The following ARHGAP17 variants were observed in gnomAD, a reference collection of about 807,000 sequenced individuals.
ARHGAP17 encodes Rho GTPase activating protein 17, also known as rho GTPase-activating protein 17.
ARHGAP17 carries 57 observed loss-of-function variants against 99.5 expected under a neutral mutation model. The ratio of observed to expected loss-of-function variants is 0.57; its 90% CI spans 0.46 to 0.71. ARHGAP17 has a LOEUF of 0.71. ARHGAP17 is among the 30% of genes least tolerant of loss of function. The pLI is 0.00. For synonymous variants in ARHGAP17, 417 were observed against 429.6 expected, an observed-to-expected ratio of 0.97 and a Z score of 0.36; for missense variants, 1,000 against 1,122.4, an observed-to-expected ratio of 0.89 and a Z score of 1.56.
At chr16:24,942,238 T>G (rs1271392139) in intron 15 of ARHGAP17, 95 bp from the exon 16 acceptor site, 2 of 1,249,210 alleles carry the variant, frequency 1.6e-6, no homozygotes, top group Admixed American at 4.6e-5. Context: ...ACCTCGTTCT[T>G]CAGTCCACAG....
intron 12 of ARHGAP17, among the ~76,000 whole-genome samples, 192 bp downstream of exon 12, chr16:24,952,097 G>T (rs937111037): frequency 6.6e-6 from 1 of 152,078 alleles, no homozygotes; most frequent in African/African-American, 2.4e-5. Context: ...TGCCTACGTG[G>T]TGACTTTCCT....
In ARHGAP17 at chr16:24,920,266, C is replaced by A. The variant is rs764655745; in HGVS notation, c.2516-6G>T. 2 of 1,613,822 alleles carry A rather than the reference C, an allele frequency of 1.2e-6. No individual in the cohort carries two copies. The highest frequency in any genetic ancestry group is 1.7e-6 in the Non-Finnish European group (2 of 1,179,908). ...TGAAACCCTGGAATTGGAGTCTGGA[C>A]AAAAACACGAGGAGACATGGTATCA... On this transcript the variant is annotated splice_region_variant and splice_polypyrimidine_tract_variant and intron_variant, in intron 19 of 19. Coordinates refer to ENST00000289968, the MANE Select transcript of ARHGAP17 (RefSeq NM_001006634.3).
chr16:24,933,238 C>T (rs1321165292), intron 18 of ARHGAP17, among the ~76,000 whole-genome samples: 1 of 148,900 alleles, frequency 6.7e-6, no homozygotes. Flanking sequence ...GTGGCTCATG[C>T]CTGTATTCCC....
At position 24,939,473 on chromosome 16, in the gene ARHGAP17, C is replaced by A. The variant is rs1341105791; in HGVS notation, c.1615G>T (p.Gly539Cys). The A allele has an allele frequency of 6.2e-7, 1 of 1,610,978 alleles. No individual in the cohort carries two copies. Among genetic ancestry groups the A allele is most frequent in the South Asian group, 1.1e-5 (1 of 90,204 alleles). Residue 539 changes from glycine (G) to cysteine (C), a missense_variant, in exon 17 of 20, where the codon GGC (glycine) becomes TGC (cysteine). Coordinates refer to ENST00000289968, the MANE Select transcript of ARHGAP17 (RefSeq NM_001006634.3). Reference sequence around the variant, plus strand: ...GAGCTCTGGGGAGGGGGCTCTGGGCCAGCGGGCACCACGGTGCTGCCATCT... The same window carrying A: ...GAGCTCTGGGGAGGGGGCTCTGGGCAAGCGGGCACCACGGTGCTGCCATCT... Reference protein sequence around the residue: ...PTDGSTVVPAGPEPPPQSSRA... With the variant: ...PTDGSTVVPACPEPPPQSSRA...
Position 24,931,052 on chromosome 16 carries a change from C to T in ARHGAP17, c.2247G>A (p.Gln749=). 5 of 1,606,772 alleles carry T rather than the reference C, an allele frequency of 3.1e-6. No homozygotes were observed. Among genetic ancestry groups the T allele is most frequent in the Non-Finnish European group, 4.3e-6 (5 of 1,176,430 alleles). ...GAGTCTGGGGAGGGGTGTGAGATGGCTGCTCAAGTCCATGCTCACTGGGCA... is the reference window on the plus strand; with the variant it reads ...GAGTCTGGGGAGGGGTGTGAGATGGTTGCTCAAGTCCATGCTCACTGGGCA... ...MALPSEHGLE[Q]PSHTPPQTPT... The change falls in exon 19 of 20, where the codon CAG becomes CAA. Residue 749 remains glutamine (Q), a synonymous_variant. Coordinates refer to ENST00000289968, the MANE Select transcript of ARHGAP17 (RefSeq NM_001006634.3).
intron 19 of ARHGAP17, among the ~76,000 whole-genome samples, chr16:24,924,468 C>A (rs540181046): frequency 8.7e-4 from 127 of 146,784 alleles, no homozygotes; most frequent in Non-Finnish European, 1.7e-3. Context: ...AATAAAATAT[C>A]TACTGTATGA....
At chr16:25,005,616 T>G (rs552095000) in intron 1 of ARHGAP17, among the ~76,000 whole-genome samples, 6 of 152,338 alleles carry the variant, frequency 3.9e-5, no homozygotes, top group African/African-American at 1.4e-4. Context: ...ATTTGACAGG[T>G]TCTCAAGAGA....
At chr16:24,947,645 G>A in intron 13 of ARHGAP17, 50 bp from the exon 14 acceptor site, 1 of 1,492,454 alleles carries the variant, frequency 6.7e-7, no homozygotes, top group East Asian at 2.3e-5. Context: ...ATAGCTGCTG[G>A]AATGTTCTCT....
At chr16:24,929,807 A>G (rs1269841155) in intron 19 of ARHGAP17, 3 of 343,482 alleles carry the variant, frequency 8.7e-6, no homozygotes, top group African/African-American at 6.7e-5. Context: ...AAAAGCTGTT[A>G]GAATCAGTTA....
rs1418844991 is a variant in ARHGAP17 at position 24,919,976 on chromosome 16, T to A, written c.*154A>T. 8.9e-7 allele frequency: 1 copy of A among 1,122,126 alleles called. No homozygotes were observed. Among genetic ancestry groups the A allele is most frequent in the African/African-American group, 1.6e-5 (1 of 63,852 alleles). The allele number at this position is 1,122,126 out of a possible 1,614,324, so 69.5% of individuals were successfully genotyped here. ...TTTAGTGGTGGCCTCCAGGTTCTCC[T>A]TGGGCCGTGCAGAAGGCCAGGTCCC... On this transcript the variant is annotated 3_prime_UTR_variant, in exon 20 of 20. Coordinates refer to ENST00000289968, the MANE Select transcript of ARHGAP17 (RefSeq NM_001006634.3).
chr16:24,939,682 C>A, intron 16 of ARHGAP17, 85 bp from the exon 17 acceptor site: 1 of 1,414,274 alleles, frequency 7.1e-7, no homozygotes, highest in Non-Finnish European at 9.7e-7. Context: ...GTTAAAACCA[C>A]ACATGGGGAT....
chr16:24,932,290 C>A (rs2051015747), intron 18 of ARHGAP17, among the ~76,000 whole-genome samples: 1 of 152,050 alleles, frequency 6.6e-6, no homozygotes, highest in Non-Finnish European at 1.5e-5. Context: ...TCCAAACAAA[C>A]AAGTTTATTT....
intron 1 of ARHGAP17, among the ~76,000 whole-genome samples, chr16:24,995,245 T>C (rs556786005): frequency 2.6e-5 from 4 of 152,288 alleles, no homozygotes; most frequent in South Asian, 2.1e-4. Flanking sequence ...AACCATGTCA[T>C]ACCCATTTTA....
intron 1 of ARHGAP17, among the ~76,000 whole-genome samples, chr16:25,011,627 C>T (rs936133273): frequency 4.6e-4 from 69 of 151,536 alleles, no homozygotes; most frequent in African/African-American, 1.7e-3. Flanking sequence ...ATTGCTTGAA[C>T]CTAGGAGGTG....
intron 1 of ARHGAP17, among the ~76,000 whole-genome samples, chr16:24,998,861 A>C (rs2053277727): frequency 6.6e-6 from 1 of 152,204 alleles, no homozygotes; most frequent in Non-Finnish European, 1.5e-5. Context: ...GCCTGACCCC[A>C]TCAGAGAAGA....
rs930769684 is a variant in ARHGAP17, at chr16:24,990,951, C to T, written c.54-11946G>A. 2.2e-4 allele frequency among the ~76,000 whole-genome samples: 34 copies of T among 152,078 alleles called. 1 individual carries two copies. Among genetic ancestry groups the T allele is most frequent in the Admixed American group, 2.0e-4 (3 of 15,260 alleles). Reference sequence around the variant, plus strand: ...CCATAGTCTCCAGGGTCCCTGTGTCCTAGGCCATAAACACATTTCAGAAGG... The same window carrying T: ...CCATAGTCTCCAGGGTCCCTGTGTCTTAGGCCATAAACACATTTCAGAAGG... On this transcript the variant is annotated intron_variant, in intron 1 of 19. Coordinates refer to ENST00000289968, the MANE Select transcript of ARHGAP17 (RefSeq NM_001006634.3).
At chr16:24,935,334 A>T (rs1334436650) in intron 18 of ARHGAP17, 136 bp downstream of exon 18, 11 of 1,087,964 alleles carry the variant, frequency 1.0e-5, no homozygotes, top group African/African-American at 3.2e-5. Flanking sequence ...CTCTTGAATG[A>T]CTGAATTTTC....
chr16:24,977,221 C>T lies in ARHGAP17; in HGVS notation c.192G>A (p.Arg64=). 1 of 1,580,974 alleles carries T rather than the reference C, an allele frequency of 6.3e-7. No individual in the cohort carries two copies. The highest frequency in any genetic ancestry group is 2.3e-5 in the East Asian group (1 of 43,978). The change falls in exon 3 of 20, where the codon AGG becomes AGA. Residue 64 remains arginine (R), a synonymous_variant. Coordinates refer to ENST00000289968, the MANE Select transcript of ARHGAP17 (RefSeq NM_001006634.3). The stretch of plus-strand genomic sequence containing the variant: ...AGTCACATCTGATACTCACGTGTCT[C>T]CTCTCGGCATCGGTGCCATGCTGGC... ...FQGQHGTDAE[R]RHKKLPLTAL...
intron 1 of ARHGAP17, among the ~76,000 whole-genome samples, chr16:24,989,934 TCTAGTATTCTATAGCA>T (rs1424704362): frequency 1.3e-5 from 2 of 152,138 alleles, no homozygotes; most frequent in Admixed American, 6.5e-5. Flanking sequence ...AGGAATAAGT[TCTAGTATTCTATAGCA>T]CTGTAGGGTG....
Sources: gnomAD v4.1 joint callset for allele counts (sites outside exome capture counted in the v4.1 genomes callset) on GRCh38, gnomAD v4.1.1 for gene constraint, MANE v1.5 for transcripts, NCBI Gene and HGNC (gene_info 2026-07-23, HGNC 2026-07-21) for gene names.